The following NTRK1 variants were observed in gnomAD, a reference collection of about 807,000 sequenced individuals.
The protein encoded by NTRK1 is neurotrophic receptor tyrosine kinase 1.
Under a neutral mutation model 86.8 loss-of-function variants are expected in NTRK1, and 62 were observed. That is an observed-to-expected ratio of 0.71 (90% CI 0.58 to 0.88). The LOEUF is 0.88. Among genes scored for constraint, NTRK1 ranks in the 40% least tolerant of loss-of-function variants. The pLI, the probability that NTRK1 is intolerant of heterozygous loss-of-function variation, is 0.00. For missense variants in NTRK1, 967 were observed against 1,078.4 expected, an observed-to-expected ratio of 0.90 and a Z score of 1.45; for synonymous variants, 469 against 456.6, an observed-to-expected ratio of 1.03 and a Z score of -0.35.
intron 2 of NTRK1, chr1:156,844,990 G>A: frequency 2.0e-6 from 3 of 1,533,640 alleles, no homozygotes; most frequent in Non-Finnish European, 2.6e-6. Flanking sequence ...AGGCTCTGGG[G>A]TTAGCGAGAA....
At chr1:156,822,628 A>C (rs1388721504) in intron 1 of NTRK1, among the ~76,000 whole-genome samples, 1 of 151,474 alleles carries the variant, frequency 6.6e-6, no homozygotes, top group Non-Finnish European at 1.5e-5. Context: ...AAAAAAAAAA[A>C]AGCTATAGCC....
At chr1:156,842,562 C>T (rs1571656711) in intron 2 of NTRK1, 1 of 1,406,596 alleles carries the variant, frequency 7.1e-7, no homozygotes, top group Middle Eastern at 1.8e-4. Flanking sequence ...ACCCATTTGG[C>T]CAAAATTCTG....
chr1:156,866,790 T>C lies in NTRK1; in HGVS notation c.360-120T>C, dbSNP rs527385341. On this transcript the variant is annotated intron_variant, in intron 3 of 16. Transcript: ENST00000524377. ...CCTTCCAGGGCTGGTTCTGGTTGCC[T>C]AGGCCGGGGCGGGGGAGCCAGATGT... is the stretch of plus-strand genomic sequence containing the variant. The C allele has an allele frequency of 2.8e-5, 26 of 914,420 alleles. No homozygotes were observed. The African/African-American group carries it at 3.6e-4, about 13-fold the overall frequency. The allele number at this position is 914,420 out of a possible 1,614,324, so 56.6% of individuals were successfully genotyped here.
chr1:156,875,574 C>T lies in NTRK1; in HGVS notation c.1409C>T (p.Thr470Ile), dbSNP rs758133921. 6.2e-7 allele frequency: 1 copy of T among 1,613,998 alleles called. No homozygotes were observed. The highest frequency in any genetic ancestry group is 8.5e-7 in the Non-Finnish European group (1 of 1,179,984). ...DGLAMSLHFMTLGGSSLSPTE... is the reference protein window; with the variant it reads ...DGLAMSLHFMILGGSSLSPTE... ...CTGGCCATGTCCCTGCATTTCATGA[C>T]ATTGGGTGGCAGCTCCCTGTCCCCC... Residue 470 changes from threonine (T) to isoleucine (I), a missense_variant, in exon 12 of 17, where the codon ACA (threonine) becomes ATA (isoleucine). By Grantham distance (89) the Thr-to-Ile change is moderately conservative. Coordinates refer to ENST00000524377, the MANE Select transcript of NTRK1 (RefSeq NM_002529.4).
At chr1:156,875,085 T>C (rs921522332) in intron 11 of NTRK1, 77 bp downstream of exon 11, 2 of 1,080,446 alleles carry the variant, frequency 1.9e-6, no homozygotes, top group Admixed American at 1.7e-5. Context: ...CCTGACTCTG[T>C]CTCTGGGGGG....
At position 156,866,925 on chromosome 1, in the gene NTRK1, C is replaced by G. The variant is rs757803799; in HGVS notation, c.375C>G (p.Asn125Lys). 1.2e-6 allele frequency: 2 copies of G among 1,614,226 alleles called. No homozygotes were observed. The highest frequency in any genetic ancestry group is 2.2e-5 in the South Asian group (2 of 91,090). Residue 125 changes from asparagine to lysine, a missense_variant, in exon 4 of 17, where the codon AAC becomes AAG. Asn to Lys is a moderately conservative substitution (Grantham distance 94). Coordinates refer to ENST00000524377, the MANE Select transcript of NTRK1 (RefSeq NM_002529.4). The stretch of plus-strand genomic sequence containing the variant: ...ACGCCCGCAGGAATCTCTCCTTCAA[C>G]GCTCTGGAGTCTCTCTCCTGGAAAA... The part of the protein sequence containing the change: ...PRLSRLNLSF[N>K]ALESLSWKTV...
chr1:156,842,285 TGGGGGCTGGTGAGGAAGGAACCC>T (rs1654827991), intron 2 of NTRK1: 1 of 1,613,730 alleles, frequency 6.2e-7, no homozygotes, highest in Non-Finnish European at 8.5e-7. Flanking sequence ...GAGCCAAGAT[TGGGGGCTGGTGAGGAAGGAACCC>T]AGAGGCTGGT....
Position 156,870,983 on chromosome 1 carries a change from C to T in NTRK1, c.718-640C>T, listed in dbSNP as rs546194279. Among the ~76,000 whole-genome samples the T allele has an allele frequency of 8.5e-5, 13 of 152,296 alleles. No individual in the cohort carries two copies. In the East Asian group the frequency reaches 2.3e-3, roughly 27 times the overall value. ...CCTCATCTGCTGCAGGAGGCGATGC[C>T]GCTGCTGTTGTTTCTAACTGCTGCT... is the stretch of plus-strand genomic sequence containing the variant. On this transcript the variant is annotated intron_variant, in intron 6 of 16. Coordinates refer to ENST00000524377, the MANE Select transcript of NTRK1 (RefSeq NM_002529.4).
intron 7 of NTRK1, among the ~76,000 whole-genome samples, chr1:156,872,268 C>T (rs1647605099): frequency 6.6e-6 from 1 of 152,178 alleles, no homozygotes; most frequent in African/African-American, 2.4e-5. Flanking sequence ...CTCTTACCAG[C>T]ATCACGGAAG....
At chr1:156,826,981 C>CT (rs1477561356) in intron 1 of NTRK1, among the ~76,000 whole-genome samples, 2 of 152,208 alleles carry the variant, frequency 1.3e-5, no homozygotes, top group Non-Finnish European at 2.9e-5. Flanking sequence ...GATTCTATGC[C>CT]TACAGTTCAC....
intron 2 of NTRK1, chr1:156,843,439 T>C (rs754562798): frequency 5.6e-6 from 9 of 1,614,064 alleles, no homozygotes; most frequent in African/African-American, 1.3e-5. Context: ...TCAGAGGCGC[T>C]GAAGTACTCT....
Position 156,846,616 on chromosome 1 carries a change from G to A in NTRK1, c.50+4423G>A, listed in dbSNP as rs201065454. ...GCGTGATGGCCCGCACAAACACTGC[G>A]TACTGTGTCCAAGGCTTGAGGGAGG... On this transcript the variant is annotated intron_variant, in intron 2 of 16. Transcript: ENST00000392302. 1.1e-4 allele frequency: 177 copies of A among 1,614,110 alleles called. 1 individual carries two copies. The Middle Eastern group carries it at 1.2e-3, about 11-fold the overall frequency.
intron 1 of NTRK1, among the ~76,000 whole-genome samples, chr1:156,827,125 C>G (rs1040796923): frequency 2.6e-5 from 4 of 152,120 alleles, no homozygotes; most frequent in African/African-American, 9.7e-5. Context: ...CTCTGTCACT[C>G]AGGCTGGAGT....
At chr1:156,851,613 G>A (rs1655210859) in intron 2 of NTRK1, 10 of 1,614,028 alleles carry the variant, frequency 6.2e-6, no homozygotes, top group South Asian at 1.1e-5. Context: ...GTATGACCAG[G>A]AGGAGGGGTG....
intron 2 of NTRK1, chr1:156,844,498 A>G (rs1487723097): frequency 6.2e-7 from 1 of 1,614,136 alleles, no homozygotes; most frequent in Non-Finnish European, 8.5e-7. Context: ...CTGTCTGTCC[A>G]AGAGCCATTG....
intron 1 of NTRK1, among the ~76,000 whole-genome samples, chr1:156,824,825 A>T (rs1383795974): frequency 1.3e-5 from 2 of 152,186 alleles, no homozygotes; most frequent in Non-Finnish European, 2.9e-5. Flanking sequence ...ACACCACTGG[A>T]CATGCTGGGT....
chr1:156,824,619 G>A (rs1000315789), intron 1 of NTRK1, among the ~76,000 whole-genome samples: 2 of 152,180 alleles, frequency 1.3e-5, no homozygotes, highest in African/African-American at 4.8e-5. Context: ...GTGCCCATTG[G>A]TCAGGCACTT....
rs567316468 is a variant in NTRK1 at position 156,872,575 on chromosome 1, A to G, written c.850+820A>G. ...CAATTCATTGCTAAATAGTATTCCT[A>G]TGTATGAATGCTATATTATATATAT... On this transcript the variant is annotated intron_variant, in intron 7 of 16. Coordinates refer to ENST00000524377, the MANE Select transcript of NTRK1 (RefSeq NM_002529.4). 5.9e-5 allele frequency among the ~76,000 whole-genome samples: 9 copies of G among 151,730 alleles called. No homozygotes were observed. In the South Asian group the frequency reaches 1.9e-3, roughly 32 times the overall value.
intron 1 of NTRK1, among the ~76,000 whole-genome samples, chr1:156,830,996 C>CAGAGAATG (rs1318090284): frequency 6.6e-6 from 1 of 152,186 alleles, no homozygotes; most frequent in African/African-American, 2.4e-5. Context: ...GGCTGAGGGT[C>CAGAGAATG]AGACCTCAGG....
Sources: allele counts gnomAD v4.1 joint callset (sites outside exome capture counted in the v4.1 genomes callset), GRCh38; gene constraint gnomAD v4.1.1; transcripts MANE v1.5; gene names NCBI Gene and HGNC (gene_info 2026-07-23, HGNC 2026-07-21).